Variants in SUMF1 observed in about 807,000 individuals in gnomAD.
SUMF1 encodes the protein formylglycine-generating enzyme.
SUMF1 carries 48 observed loss-of-function variants against 47.6 expected under a neutral mutation model. That is an observed-to-expected ratio of 1.01 (90% CI 0.80 to 1.28). The LOEUF (loss-of-function observed/expected upper bound fraction) is 1.28. SUMF1 is among the 50% of genes most tolerant of loss of function. SUMF1 has a pLI of 0.00. For missense variants in SUMF1, 571 were observed against 485.4 expected, an observed-to-expected ratio of 1.18 and a Z score of -1.66; for synonymous variants, 230 against 192.1, an observed-to-expected ratio of 1.20 and a Z score of -1.63.
chr3:4,264,958 A>G (rs1480146220), intron 8 of SUMF1, among the ~76,000 whole-genome samples: 1 of 151,976 alleles, frequency 6.6e-6, no homozygotes, highest in African/African-American at 2.4e-5. Context: ...ACATTGTGAG[A>G]CCCTATCTCT....
Position 4,265,855 on chromosome 3 carries a change from G to T in SUMF1, c.1014+110475C>A, listed in dbSNP as rs185677551. Among the ~76,000 whole-genome samples the T allele has an allele frequency of 2.6e-3, 399 of 152,206 alleles. 3 individuals carry two copies. Among genetic ancestry groups the T allele is most frequent in the African/African-American group, 9.3e-3 (388 of 41,538 alleles). On this transcript the variant is annotated intron_variant and NMD_transcript_variant, in intron 8 of 12. Transcript: ENST00000448413. The stretch of plus-strand genomic sequence containing the variant: ...CTAGGTTTTCTCCTAGGGTTTTTAT[G>T]GTTTTAGGTCTAACGTTTAAATCTT...
chr3:4,418,093 C>A lies in SUMF1; in HGVS notation c.642G>T (p.Ala214=), dbSNP rs141017221. ...TCCCTGCCCAAGTGCAGTAGGCAAC[C>A]GCATCATTCCAGGACACATGGAGAA... ...HPVLHVSWND[A]VAYCTWAGKR... Residue 214 remains alanine, a synonymous_variant, in exon 5 of 9, where the codon GCG becomes GCT. Coordinates refer to ENST00000272902, the MANE Select transcript of SUMF1 (RefSeq NM_182760.4). The A allele has an allele frequency of 1.2e-6, 2 of 1,614,070 alleles. No individual in the cohort carries two copies. The highest frequency in any genetic ancestry group is 1.7e-6 in the Non-Finnish European group (2 of 1,180,016).
At chr3:4,272,841 A>G (rs543289814) in intron 8 of SUMF1, among the ~76,000 whole-genome samples, 1 of 152,180 alleles carries the variant, frequency 6.6e-6, no homozygotes, top group South Asian at 2.1e-4. Context: ...TGGGAGCCCA[A>G]AGTAGGAGGA....
At chr3:4,312,704 A>T (rs1247899917) in intron 8 of SUMF1, among the ~76,000 whole-genome samples, 4 of 36,182 alleles carry the variant, frequency 1.1e-4, no homozygotes, top group African/African-American at 9.8e-4. Context: ...CCTGTCTCTT[A>T]AAAAAAAAAA....
intron 8 of SUMF1, among the ~76,000 whole-genome samples, chr3:4,178,580 T>C (rs568943384): frequency 6.6e-6 from 1 of 152,274 alleles, no homozygotes; most frequent in Non-Finnish European, 1.5e-5. Context: ...CCACAGCCAA[T>C]ATCATACTGA....
In SUMF1 at chr3:4,376,487, G is replaced by C. The variant is rs565965646; in HGVS notation, c.955-98C>G. 1.2e-4 allele frequency: 155 copies of C among 1,306,808 alleles called. 2 individuals are homozygous for C. The East Asian group carries it at 2.9e-3, about 24-fold the overall frequency. 81.0% of individuals were successfully genotyped at this position (1,306,808 alleles called of 1,614,324 possible). ...CTTTGATCCAACCAGCTCTCTCATG[G>C]TTGCCTAAACTCTCCACATGCATTT... On this transcript the variant is annotated intron_variant, in intron 7 of 8. Coordinates refer to ENST00000272902, the MANE Select transcript of SUMF1 (RefSeq NM_182760.4).
chr3:4,445,047 C>T (rs557417329), intron 3 of SUMF1, among the ~76,000 whole-genome samples: 1 of 152,244 alleles, frequency 6.6e-6, no homozygotes, highest in Non-Finnish European at 1.5e-5. Flanking sequence ...CGGTAATGAC[C>T]ACAAATGGGC....
intron 8 of SUMF1, among the ~76,000 whole-genome samples, chr3:4,233,805 G>C (rs1443787432): frequency 1.3e-5 from 2 of 152,074 alleles, no homozygotes; most frequent in African/African-American, 2.4e-5. Context: ...CAGAAAAAAG[G>C]GTATGTGGTT....
chr3:4,443,664 C>T (rs1248439572), intron 3 of SUMF1, among the ~76,000 whole-genome samples: 14 of 152,002 alleles, frequency 9.2e-5, no homozygotes, highest in Non-Finnish European at 1.5e-4. Flanking sequence ...ACTTGGGTGG[C>T]TGAGGTGGGA....
intron 7 of SUMF1, among the ~76,000 whole-genome samples, chr3:4,401,491 T>C (rs1458890074): frequency 1.3e-5 from 2 of 152,136 alleles, no homozygotes. Context: ...CATCACTGCC[T>C]ACTTTCCAAG....
chr3:4,047,609 A>T (rs1286900622), intron 9 of SUMF1, among the ~76,000 whole-genome samples: 1 of 152,146 alleles, frequency 6.6e-6, no homozygotes, highest in African/African-American at 2.4e-5. Context: ...TGGATTACAT[A>T]GTTCCTTTGC....
chr3:4,078,199 T>C (rs1283431233), intron 8 of SUMF1, among the ~76,000 whole-genome samples: 1 of 152,080 alleles, frequency 6.6e-6, no homozygotes, highest in African/African-American at 2.4e-5. Flanking sequence ...TGAGCAGGCA[T>C]ACAAGCTGAA....
At chr3:4,316,510 A>T (rs1183015837) in intron 8 of SUMF1, 1 of 1,594,926 alleles carries the variant, frequency 6.3e-7, no homozygotes, top group African/African-American at 1.3e-5. Context: ...AATGTCAACC[A>T]TTCTACGGTC....
chr3:4,303,599 T>C, intron 8 of SUMF1: 7 of 1,375,094 alleles, frequency 5.1e-6, no homozygotes, highest in Non-Finnish European at 6.6e-6. Flanking sequence ...GCCGCCTCGC[T>C]GGGACGGCCT....
At chr3:4,165,066 G>A (rs1327109573) in intron 8 of SUMF1, among the ~76,000 whole-genome samples, 1 of 152,124 alleles carries the variant, frequency 6.6e-6, no homozygotes, top group Non-Finnish European at 1.5e-5. Context: ...GATGCATACT[G>A]GGAACAGCTT....
chr3:4,404,617 C>T (rs1338098369), intron 7 of SUMF1, among the ~76,000 whole-genome samples: 2 of 152,006 alleles, frequency 1.3e-5, no homozygotes, highest in African/African-American at 4.8e-5. Flanking sequence ...ATTAGCCAGG[C>T]GTGGTGACAC....
intron 3 of SUMF1, among the ~76,000 whole-genome samples, chr3:4,442,470 G>A (rs967285858): frequency 4.6e-5 from 7 of 150,846 alleles, no homozygotes; most frequent in Non-Finnish European, 7.4e-5. Flanking sequence ...CGTTTTAGCC[G>A]GGATGGTCTC....
At chr3:4,109,175 C>T (rs1405802348) in intron 8 of SUMF1, among the ~76,000 whole-genome samples, 1 of 152,014 alleles carries the variant, frequency 6.6e-6, no homozygotes, top group African/African-American at 2.4e-5. Context: ...ATTTCTCCTT[C>T]ACTTATGAAG....
At chr3:4,083,606 A>G (rs1559456510) in intron 8 of SUMF1, among the ~76,000 whole-genome samples, 1 of 152,150 alleles carries the variant, frequency 6.6e-6, no homozygotes, top group African/African-American at 2.4e-5. Flanking sequence ...AGGAAAGCAC[A>G]TTCCATCCAA....
Sources: allele counts gnomAD v4.1 joint callset (sites outside exome capture counted in the v4.1 genomes callset), GRCh38; gene constraint gnomAD v4.1.1; transcripts MANE v1.5; gene names NCBI Gene and HGNC (gene_info 2026-07-23, HGNC 2026-07-21).